The following SEC23B variants were observed in gnomAD, a reference collection of about 807,000 sequenced individuals.
The protein encoded by SEC23B is protein transport protein Sec23B.
SEC23B carries 77 observed loss-of-function variants against 104.3 expected under a neutral mutation model. The ratio of observed to expected loss-of-function variants is 0.74; its 90% CI spans 0.61 to 0.89. SEC23B has a LOEUF of 0.89. Ranked by LOEUF, SEC23B falls within the 40% of genes least tolerant of loss-of-function variation. The pLI, the probability that SEC23B is intolerant of heterozygous loss-of-function variation, is 0.00. For synonymous variants in SEC23B, 338 were observed against 332.5 expected, an observed-to-expected ratio of 1.02 and a Z score of -0.18; for missense variants, 885 against 949.4, an observed-to-expected ratio of 0.93 and a Z score of 0.89.
At chr20:18,523,355 C>T (rs1426246813) in intron 4 of SEC23B, among the ~76,000 whole-genome samples, 2 of 151,378 alleles carry the variant, frequency 1.3e-5, no homozygotes, top group African/African-American at 2.4e-5. Context: ...TTTGCTCAAA[C>T]ATTACTTTCT....
chr20:18,518,411 A>G (rs2060050063), intron 4 of SEC23B, among the ~76,000 whole-genome samples: 1 of 152,116 alleles, frequency 6.6e-6, no homozygotes, highest in African/African-American at 2.4e-5. Context: ...ACAATCCCTG[A>G]GGAGTAGTAG....
chr20:18,513,182 CAAAAT>C (rs1376036094), intron 3 of SEC23B, among the ~76,000 whole-genome samples: 5 of 148,866 alleles, frequency 3.4e-5, no homozygotes, highest in Non-Finnish European at 5.9e-5. Flanking sequence ...GACTCCGTCT[CAAAAT>C]AAAATAAAAA....
At chr20:18,514,933 G>T (rs1352081703) in intron 3 of SEC23B, among the ~76,000 whole-genome samples, 1 of 152,036 alleles carries the variant, frequency 6.6e-6, no homozygotes, top group African/African-American at 2.4e-5. Flanking sequence ...AAAGTCTTTG[G>T]CTTTATTTAG....
intron 12 of SEC23B, among the ~76,000 whole-genome samples, chr20:18,536,463 C>T (rs1272400051): frequency 9.9e-5 from 15 of 152,056 alleles, no homozygotes; most frequent in East Asian, 1.9e-4. Flanking sequence ...GAGGCCGAGG[C>T]GGGCGGATCA....
At position 18,542,332 on chromosome 20, in the gene SEC23B, A is replaced by G. The variant is rs2060295013; in HGVS notation, c.1441A>G (p.Ile481Val). The change falls in exon 13 of 20, where the codon ATC becomes GTC. Residue 481 changes from isoleucine to valine, a missense_variant. Ile to Val is a conservative substitution (Grantham distance 29). Coordinates refer to ENST00000650089, the MANE Select transcript of SEC23B (RefSeq NM_006363.6). ...GATCCCCCAAGGAGGCAGAGGAGCC[A>G]TCCAGTTTGTCACGCATTATCAGCA... is the stretch of plus-strand genomic sequence containing the variant. ...TPIPQGGRGA[I>V]QFVTHYQHSS... is the part of the protein sequence containing the mutation. The G allele has an allele frequency of 6.2e-7, 1 of 1,614,108 alleles. No homozygotes were observed. The highest frequency in any genetic ancestry group is 1.3e-5 in the African/African-American group (1 of 74,938).
rs375666994 is a variant in SEC23B, at chr20:18,515,749, T to A, written c.366+13T>A. On this transcript the variant is annotated intron_variant, in intron 4 of 19. Coordinates refer to ENST00000650089, the MANE Select transcript of SEC23B (RefSeq NM_006363.6). ...GTACGTGATACAGGTAATTTCTTTG[T>A]TGTGCATTTAATGAGCAATGTTAAA... 1.0e-5 allele frequency: 15 copies of A among 1,495,384 alleles called. No homozygotes were observed. The African/African-American group carries it at 2.1e-4, about 21-fold the overall frequency. 92.6% of individuals were successfully genotyped at this position (1,495,384 alleles called of 1,614,324 possible).
Position 18,561,347 on chromosome 20 carries a change from G to T in SEC23B, c.*607G>T, listed in dbSNP as rs990849986. The T allele has an allele frequency of 6.6e-6, 1 of 152,422 alleles. No individual in the cohort carries two copies. The allele number at this position is 152,422 out of a possible 1,614,324, so 9.4% of individuals were successfully genotyped here. On this transcript the variant is annotated 3_prime_UTR_variant, in exon 20 of 20. Transcript: ENST00000650089. ...TCCTTACAAGATTTTTGTTGTTGAT[G>T]TATTTAATTTTAGCCCATGTCTCAA...
intron 19 of SEC23B, 70 bp from the exon 20 acceptor site, chr20:18,560,581 G>A: frequency 8.3e-7 from 1 of 1,204,636 alleles, no homozygotes; most frequent in Non-Finnish European, 1.2e-6. Context: ...GAGGGAAGGT[G>A]CTTGACAGCT....
Position 18,525,863 on chromosome 20 carries a change from A to G in SEC23B, c.765A>G (p.Pro255=), listed in dbSNP as rs759019332. 1.9e-5 allele frequency: 31 copies of G among 1,614,068 alleles called. No individual in the cohort carries two copies. The highest frequency in any genetic ancestry group is 2.5e-5 in the Non-Finnish European group (29 of 1,180,020). Residue 255 remains proline, a synonymous_variant, in exon 7 of 20, where the codon CCA becomes CCG. Transcript: ENST00000650089. ...GGGAGCTACAGAGGGACCCATGGCCAGTAACTCAGGGGAAGAGACCTTTGC... is the reference window on the plus strand; with the variant it reads ...GGGAGCTACAGAGGGACCCATGGCCGGTAACTCAGGGGAAGAGACCTTTGC... ...LLGELQRDPW[P]VTQGKRPLRS... is the part of the protein sequence containing the mutation.
intron 14 of SEC23B, 57 bp from the exon 15 acceptor site, chr20:18,545,899 A>G: frequency 9.6e-7 from 1 of 1,043,668 alleles, no homozygotes; most frequent in African/African-American, 1.6e-5. Context: ...GCTAACTTAG[A>G]TTTTTCTCTC....
intron 17 of SEC23B, 98 bp from the exon 18 acceptor site, chr20:18,554,137 T>C: frequency 2.2e-6 from 3 of 1,379,204 alleles, no homozygotes; most frequent in South Asian, 2.4e-5. Context: ...ACTTCTTCAC[T>C]AGAAACAAGC....
intron 12 of SEC23B, among the ~76,000 whole-genome samples, chr20:18,539,584 A>C (rs1302553488): frequency 2.1e-5 from 3 of 145,080 alleles, no homozygotes; most frequent in Non-Finnish European, 4.5e-5. Context: ...GGCTTAAGCC[A>C]CCTTGGCCTC....
rs931208975 is a variant in SEC23B at position 18,532,712 on chromosome 20, C to T, written c.1282C>T (p.Leu428=). The T allele has an allele frequency of 2.5e-6, 4 of 1,613,952 alleles. No individual in the cohort carries two copies. Among genetic ancestry groups the T allele is most frequent in the Non-Finnish European group, 3.4e-6 (4 of 1,179,818 alleles). Residue 428 remains leucine (L), a synonymous_variant, in exon 11 of 20, where the codon CTG becomes TTG. Coordinates refer to ENST00000650089, the MANE Select transcript of SEC23B (RefSeq NM_006363.6). ...IAGAIGPCVS[L]NVKGPCVSEN... The stretch of plus-strand genomic sequence containing the variant: ...AGGAGCCATTGGTCCATGCGTATCT[C>T]TGAATGTGAAAGGACCGTGTGTGTC...
At chr20:18,529,230 A>G (rs2060161007) in intron 9 of SEC23B, among the ~76,000 whole-genome samples, 1 of 152,334 alleles carries the variant, frequency 6.6e-6, no homozygotes, top group Middle Eastern at 3.4e-3. Flanking sequence ...TTTGTTCTGT[A>G]TGTGACCAAA....
intron 4 of SEC23B, among the ~76,000 whole-genome samples, chr20:18,523,397 C>CTTTTTTTTTTTTTTTTTTTTT (rs112136906): frequency 7.7e-6 from 1 of 130,554 alleles, no homozygotes. Context: ...TCTTTCCTTT[C>CTTTTTTTTTTTTTTTTTTTTT]TTTTTTTTTT....
rs775792398 is a variant in SEC23B, at chr20:18,543,190, G to A, written c.1665+18G>A. 4 of 1,614,094 alleles carry A rather than the reference G, an allele frequency of 2.5e-6. No individual in the cohort carries two copies. Among genetic ancestry groups the A allele is most frequent in the South Asian group, 2.2e-5 (2 of 91,078 alleles). ...TCCGACTGGTAAATTGGGGACAGTG[G>A]CATTAGGTTCAGTCTTGGTTTCTGC... On this transcript the variant is annotated intron_variant, in intron 14 of 19. Transcript: ENST00000650089.
chr20:18,510,762 T>G, intron 1 of SEC23B, 60 bp from the exon 2 acceptor site: 2 of 1,341,942 alleles, frequency 1.5e-6, no homozygotes, highest in Non-Finnish European at 2.1e-6. Context: ...CCATCTTCTT[T>G]TTTTGACATT....
At chr20:18,551,056 AC>A in intron 16 of SEC23B, 32 bp from the exon 17 acceptor site, 5 of 1,387,408 alleles carry the variant, frequency 3.6e-6, no homozygotes, top group Non-Finnish European at 5.1e-6. Flanking sequence ...AGCAGGGAAG[AC>A]CAATGCCATC....
At chr20:18,529,752 C>T (rs1411222343) in intron 9 of SEC23B, among the ~76,000 whole-genome samples, 2 of 152,196 alleles carry the variant, frequency 1.3e-5, no homozygotes, top group Admixed American at 6.5e-5. Context: ...GCAAGGCAGG[C>T]TGGAAAATGT....
Sources: allele counts gnomAD v4.1 joint callset (sites outside exome capture counted in the v4.1 genomes callset), GRCh38; gene constraint gnomAD v4.1.1; transcripts MANE v1.5; gene names NCBI Gene and HGNC (gene_info 2026-07-23, HGNC 2026-07-21).